PLEKHG1: variants seen among roughly 807,000 people sequenced by gnomAD.
The protein encoded by PLEKHG1 is pleckstrin homology and RhoGEF domain containing G1, also known as pleckstrin homology domain-containing family G member 1.
In PLEKHG1, 44 loss-of-function variants were observed where a neutral mutation model predicts 100.8. That is an observed-to-expected ratio of 0.44 (90% CI 0.34 to 0.56). PLEKHG1 has a LOEUF of 0.56. PLEKHG1 is among the 20% of genes least tolerant of loss of function. The pLI is 0.01. For missense variants in PLEKHG1, 1,545 were observed against 1,720.9 expected, an observed-to-expected ratio of 0.90 and a Z score of 1.81; for synonymous variants, 640 against 662.5, an observed-to-expected ratio of 0.97 and a Z score of 0.52.
intron 2 of PLEKHG1, among the ~76,000 whole-genome samples, chr6:150,747,368 C>T (rs1783219404): frequency 6.6e-6 from 1 of 152,164 alleles, no homozygotes; most frequent in African/African-American, 2.4e-5. Context: ...GTCCAGGCAG[C>T]CCTGTTCTGT....
chr6:150,823,251 C>T (rs1176518826), intron 13 of PLEKHG1, among the ~76,000 whole-genome samples: 1 of 152,202 alleles, frequency 6.6e-6, no homozygotes, highest in Admixed American at 6.5e-5. Context: ...AAGAAGGCTG[C>T]ATCTTTCAGT....
intron 14 of PLEKHG1, chr6:150,827,846 C>A (rs768086881): frequency 4.2e-6 from 6 of 1,438,452 alleles, no homozygotes; most frequent in African/African-American, 1.4e-5. Flanking sequence ...ATCACGAAGG[C>A]GAGTTTAATG....
In PLEKHG1 at chr6:150,804,748, C is replaced by T. The variant is rs1341270124; in HGVS notation, c.912+7C>T. On this transcript the variant is annotated splice_region_variant and intron_variant, in intron 7 of 15. Coordinates refer to ENST00000358517, the Ensembl canonical transcript of PLEKHG1. Reference sequence around the variant, plus strand: ...GCACGCGGTCCGGTTACAGGTGAGCCCGCGAGGTGTCGGTGCCCGGCAGGG... The same window carrying T: ...GCACGCGGTCCGGTTACAGGTGAGCTCGCGAGGTGTCGGTGCCCGGCAGGG... 1 of 1,610,490 alleles carries T rather than the reference C, an allele frequency of 6.2e-7. No individual in the cohort carries two copies. The highest frequency in any genetic ancestry group is 1.3e-5 in the African/African-American group (1 of 74,700).
intron 2 of PLEKHG1, among the ~76,000 whole-genome samples, chr6:150,738,789 C>A (rs893084767): frequency 7.2e-5 from 11 of 152,100 alleles, no homozygotes; most frequent in African/African-American, 2.4e-4. Context: ...GAGGTAAGAT[C>A]TTGACTGTGA....
intron 3 of PLEKHG1, among the ~76,000 whole-genome samples, chr6:150,671,486 G>A (rs901700471): frequency 1.3e-5 from 2 of 152,176 alleles, no homozygotes; most frequent in Admixed American, 6.5e-5. Context: ...GCCCCAGACT[G>A]TTGAGGAATT....
At chr6:150,694,507 C>G (rs1476991707) in intron 3 of PLEKHG1, among the ~76,000 whole-genome samples, 1 of 151,964 alleles carries the variant, frequency 6.6e-6, no homozygotes, top group African/African-American at 2.4e-5. Context: ...GGAGACCAGC[C>G]TTGTCAACAT....
chr6:150,623,872 C>G (rs1177584762), intron 1 of PLEKHG1, among the ~76,000 whole-genome samples: 1 of 152,120 alleles, frequency 6.6e-6, no homozygotes, highest in Non-Finnish European at 1.5e-5. Context: ...TTTATATCAA[C>G]CTAAAAACAC....
chr6:150,701,878 A>G (rs888479584), intron 3 of PLEKHG1, among the ~76,000 whole-genome samples: 1 of 152,184 alleles, frequency 6.6e-6, no homozygotes, highest in Non-Finnish European at 1.5e-5. Context: ...GGGGCCATGC[A>G]TGCACCATGA....
chr6:150,816,895 C>T (rs568280702), intron 10 of PLEKHG1, among the ~76,000 whole-genome samples: 34 of 152,320 alleles, frequency 2.2e-4, no homozygotes, highest in Non-Finnish European at 4.3e-4. Context: ...AGTGCTGCAA[C>T]CTAGATCCCT....
chr6:150,733,623 C>T, exon 2 of PLEKHG1: 2 of 1,613,838 alleles, frequency 1.2e-6, no homozygotes, highest in Non-Finnish European at 1.7e-6. Context: ...TCAGCTGTAA[C>T]CAAAGTTCCA....
At chr6:150,776,413 TACTC>T (rs1458130391) in intron 3 of PLEKHG1, among the ~76,000 whole-genome samples, 3 of 149,614 alleles carry the variant, frequency 2.0e-5, no homozygotes, top group South Asian at 2.1e-4. Context: ...AGTTGCACAT[TACTC>T]ACACTGATGC....
intron 15 of PLEKHG1, among the ~76,000 whole-genome samples, chr6:150,835,081 T>C (rs1777154855): frequency 6.6e-6 from 1 of 152,188 alleles, no homozygotes; most frequent in Non-Finnish European, 1.5e-5. Flanking sequence ...GAGCACCTTA[T>C]TCACCTGCCG....
At chr6:150,781,366 G>T (rs891565356) in intron 3 of PLEKHG1, among the ~76,000 whole-genome samples, 1 of 151,460 alleles carries the variant, frequency 6.6e-6, no homozygotes, top group Non-Finnish European at 1.5e-5. Context: ...TTAGCCAGAC[G>T]TGGTGGCACA....
chr6:150,791,038 A>G (rs1785945764), intron 4 of PLEKHG1, among the ~76,000 whole-genome samples: 1 of 152,182 alleles, frequency 6.6e-6, no homozygotes, highest in Non-Finnish European at 1.5e-5. Flanking sequence ...ACAAAAGAAA[A>G]AAGAATATAT....
chr6:150,666,218 T>C (rs1349100963), intron 3 of PLEKHG1, among the ~76,000 whole-genome samples: 2 of 152,234 alleles, frequency 1.3e-5, no homozygotes, highest in African/African-American at 2.4e-5. Flanking sequence ...GATGTTCCAC[T>C]TTCTGCAATC....
intron 3 of PLEKHG1, among the ~76,000 whole-genome samples, chr6:150,681,311 A>T (rs1779924842): frequency 6.6e-6 from 1 of 151,624 alleles, no homozygotes; most frequent in Non-Finnish European, 1.5e-5. Flanking sequence ...CAAGAGATCA[A>T]GACCATCCTG....
chr6:150,792,720 G>T (rs1476439351), intron 4 of PLEKHG1, among the ~76,000 whole-genome samples: 1 of 151,984 alleles, frequency 6.6e-6, no homozygotes, highest in East Asian at 1.9e-4. Context: ...TCCTAACTCT[G>T]TCCACTGAAA....
chr6:150,777,785 C>A (rs965393203), intron 3 of PLEKHG1, among the ~76,000 whole-genome samples: 2 of 152,072 alleles, frequency 1.3e-5, no homozygotes, highest in African/African-American at 4.8e-5. Context: ...TCCTGGTGCA[C>A]ATGTGCGGTT....
chr6:150,806,835 A>G (rs1787142113), intron 7 of PLEKHG1, among the ~76,000 whole-genome samples: 1 of 138,516 alleles, frequency 7.2e-6, no homozygotes. Flanking sequence ...ATCTCAAAAA[A>G]AAAAAAAAAA....
Sources: allele counts gnomAD v4.1 joint callset (sites outside exome capture counted in the v4.1 genomes callset), GRCh38; gene constraint gnomAD v4.1.1; transcripts MANE v1.5; gene names NCBI Gene and HGNC (gene_info 2026-07-23, HGNC 2026-07-21).